The following CPNE4 variants were observed in gnomAD, a reference collection of about 807,000 sequenced individuals.
CPNE4 encodes copine 4, also known as copine-4.
CPNE4 carries 25 observed loss-of-function variants against 67.9 expected under a neutral mutation model. That is an observed-to-expected ratio of 0.37 (90% confidence interval 0.27 to 0.51). The LOEUF is 0.51. Ranked by LOEUF, CPNE4 falls within the 20% of genes least tolerant of loss-of-function variation. The pLI, the probability that CPNE4 is intolerant of heterozygous loss-of-function variation, is 0.93. For synonymous variants in CPNE4, 242 were observed against 244.9 expected (o/e 0.99, Z 0.11); for missense variants, 464 against 690.8 (o/e 0.67, Z 3.68).
At chr3:131,960,278 C>G (rs1302867315) in intron 1 of CPNE4, among the ~76,000 whole-genome samples, 9 of 152,020 alleles carry the variant, frequency 5.9e-5, no homozygotes, top group Admixed American at 5.9e-4. Flanking sequence ...CTTTTCAATC[C>G]ACAGTTAATT....
intron 3 of CPNE4, among the ~76,000 whole-genome samples, chr3:131,720,346 A>T (rs1276645821): frequency 7.2e-6 from 1 of 139,506 alleles, no homozygotes; most frequent in East Asian, 2.1e-4. Context: ...GTGCAGTGGC[A>T]TGATCTCGGC....
chr3:131,588,214 C>T (rs1305846394), intron 7 of CPNE4, among the ~76,000 whole-genome samples: 1 of 152,150 alleles, frequency 6.6e-6, no homozygotes, highest in Non-Finnish European at 1.5e-5. Context: ...ATTATGCACC[C>T]ATCACACACA....
chr3:131,955,410 G>GTTTTTTTGTTTTTTTT (rs1553814124), intron 1 of CPNE4, among the ~76,000 whole-genome samples: 7 of 42,272 alleles, frequency 1.7e-4, no homozygotes, highest in Non-Finnish European at 3.1e-4. Context: ...TGTATGTAAG[G>GTTTTTTTGTTTTTTTT]TTTTTTTTTT....
At chr3:131,725,844 G>A (rs1583088744) in intron 2 of CPNE4, among the ~76,000 whole-genome samples, 1 of 152,256 alleles carries the variant, frequency 6.6e-6, no homozygotes, top group African/African-American at 2.4e-5. Context: ...GCAACAATTG[G>A]AGACTGTCCC....
chr3:131,582,320 G>T (rs1250356134), intron 8 of CPNE4, among the ~76,000 whole-genome samples: 2 of 152,174 alleles, frequency 1.3e-5, no homozygotes, highest in African/African-American at 2.4e-5. Context: ...AGGAGTGGCT[G>T]GGAATTAAGG....
chr3:131,959,341 G>A (rs1030464722), intron 1 of CPNE4, among the ~76,000 whole-genome samples: 14 of 151,504 alleles, frequency 9.2e-5, no homozygotes, highest in Non-Finnish European at 1.6e-4. Context: ...ATATAATATA[G>A]AGTTAATAAT....
chr3:131,630,990 C>T (rs2079206399), intron 7 of CPNE4, among the ~76,000 whole-genome samples: 1 of 152,140 alleles, frequency 6.6e-6, no homozygotes, highest in Non-Finnish European at 1.5e-5. Context: ...AGTCTGAAGC[C>T]ACTTGGACTG....
At chr3:131,537,584 TG>T in intron 15 of CPNE4, 1 of 280,350 alleles carries the variant, frequency 3.6e-6, no homozygotes, top group Non-Finnish European at 7.0e-6. Flanking sequence ...CACCCAGCCC[TG>T]AAGACTTGTA....
At chr3:131,971,995 T>A (rs972197428) in intron 1 of CPNE4, among the ~76,000 whole-genome samples, 1 of 152,208 alleles carries the variant, frequency 6.6e-6, no homozygotes, top group Non-Finnish European at 1.5e-5. Context: ...CAGAAAGAAC[T>A]GTTGGATGAG....
chr3:131,856,529 T>C (rs2086450540), intron 2 of CPNE4, among the ~76,000 whole-genome samples: 1 of 151,992 alleles, frequency 6.6e-6, no homozygotes, highest in African/African-American at 2.4e-5. Context: ...ATAATGAATA[T>C]TTGCTGTTGT....
At chr3:131,850,330 G>C (rs1161096200) in intron 2 of CPNE4, among the ~76,000 whole-genome samples, 1 of 152,094 alleles carries the variant, frequency 6.6e-6, no homozygotes, top group Admixed American at 6.6e-5. Flanking sequence ...GCATTCTGCT[G>C]TCTGTCCTCG....
Position 131,996,060 on chromosome 3 carries a change from A to T in CPNE4, c.-2+38507T>A, listed in dbSNP as rs114267843. On this transcript the variant is annotated intron_variant, in intron 1 of 15. Transcript: ENST00000429747. The stretch of plus-strand genomic sequence containing the variant: ...TTCACTAGCACAATCCATTTAAAAA[A>T]ATATATGCTGTTGATCAAGCCAAAC... Among the ~76,000 whole-genome samples the T allele has an allele frequency of 9.2e-3, 1,394 of 152,314 alleles. 25 individuals are homozygous for T. Among genetic ancestry groups the T allele is most frequent in the African/African-American group, 0.032 (1,327 of 41,572 alleles).
intron 2 of CPNE4, among the ~76,000 whole-genome samples, chr3:131,847,746 T>C (rs917439457): frequency 2.6e-5 from 4 of 152,106 alleles, no homozygotes; most frequent in Non-Finnish European, 5.9e-5. Flanking sequence ...TTAAGGGGTC[T>C]CCCCACCCCT....
chr3:131,706,569 T>C (rs1318017478), intron 3 of CPNE4, among the ~76,000 whole-genome samples: 1 of 152,152 alleles, frequency 6.6e-6, no homozygotes, highest in African/African-American at 2.4e-5. Flanking sequence ...CTAAGAAAAC[T>C]AGTTTAGGCT....
rs909872573 is a variant in CPNE4 at position 131,720,576 on chromosome 3, G to A, written c.360+2870C>T. On this transcript the variant is annotated intron_variant, in intron 3 of 15. Coordinates refer to ENST00000429747, the MANE Select transcript of CPNE4 (RefSeq NM_130808.3). ...TGGGATTACAGGCGTGAGCCACCGC[G>A]CCCGGCTAGGAATGGTTCTTCATGG... 1.2e-4 allele frequency among the ~76,000 whole-genome samples: 18 copies of A among 152,106 alleles called. No individual in the cohort carries two copies. The South Asian group carries it at 1.2e-3, about 11-fold the overall frequency.
intron 1 of CPNE4, among the ~76,000 whole-genome samples, chr3:132,021,736 T>C (rs1201493386): frequency 1.3e-5 from 2 of 152,184 alleles, no homozygotes; most frequent in African/African-American, 4.8e-5. Flanking sequence ...CTTAATCAGA[T>C]CTTAATTTAC....
chr3:131,615,042 A>T (rs1940057663), intron 7 of CPNE4, among the ~76,000 whole-genome samples: 1 of 152,198 alleles, frequency 6.6e-6, no homozygotes. Context: ...GTTAAAACAC[A>T]GATTTCTGGA....
Position 131,953,253 on chromosome 3 carries a change from A to T in CPNE4, c.-1-47809T>A, listed in dbSNP as rs892412630. ...GAATGATCAATTAAAAAAAAAAAAA[A>T]AAAAAAAAAAAAAGAATGGTGAAAG... On this transcript the variant is annotated intron_variant, in intron 1 of 15. Transcript: ENST00000429747. Among the ~76,000 whole-genome samples the T allele has an allele frequency of 2.2e-4, 32 of 143,584 alleles. 1 individual carries two copies. Among genetic ancestry groups the T allele is most frequent in the African/African-American group, 6.5e-4 (25 of 38,286 alleles). 94.2% of individuals were successfully genotyped at this position (143,584 alleles called of 152,430 possible).
intron 6 of CPNE4, among the ~76,000 whole-genome samples, chr3:131,676,209 C>G (rs1253292441): frequency 6.6e-6 from 1 of 151,704 alleles, no homozygotes; most frequent in East Asian, 1.9e-4. Flanking sequence ...CAGGCACACA[C>G]CACAATGCCT....
Sources: gnomAD v4.1 joint callset for allele counts (sites outside exome capture counted in the v4.1 genomes callset) on GRCh38, gnomAD v4.1.1 for gene constraint, MANE v1.5 for transcripts, NCBI Gene and HGNC (gene_info 2026-07-23, HGNC 2026-07-21) for gene names.